STXBP5L: variants seen among roughly 807,000 people sequenced by gnomAD.
STXBP5L encodes the protein syntaxin binding protein 5L.
A neutral mutation model predicts 144.5 loss-of-function variants in STXBP5L; 65 were observed. The observed-to-expected ratio is 0.45, with a 90% CI of 0.37 to 0.55. The LOEUF is 0.55. STXBP5L is among the 20% of genes least tolerant of loss of function. The pLI is 0.00. For synonymous variants in STXBP5L, 505 were observed against 469.6 expected, an observed-to-expected ratio of 1.08 and a Z score of -0.97; for missense variants, 1,298 against 1,405.5, an observed-to-expected ratio of 0.92 and a Z score of 1.22.
chr3:121,363,188 G>C (rs150777253), intron 20 of STXBP5L, among the ~76,000 whole-genome samples: 3 of 152,216 alleles, frequency 2.0e-5, no homozygotes, highest in Admixed American at 6.5e-5. Flanking sequence ...GCCATGAGCT[G>C]TGCAGCCTGG....
At chr3:121,063,248 C>G (rs1273007189) in intron 5 of STXBP5L, among the ~76,000 whole-genome samples, 1 of 152,162 alleles carries the variant, frequency 6.6e-6, no homozygotes, top group African/African-American at 2.4e-5. Context: ...GGTTAGTTTT[C>G]TTTCTAACAG....
intron 3 of STXBP5L, among the ~76,000 whole-genome samples, chr3:121,006,653 C>T (rs932843301): frequency 6.6e-6 from 1 of 152,142 alleles, no homozygotes; most frequent in South Asian, 2.1e-4. Context: ...TATCAATGGT[C>T]TTTACAATTT....
intron 5 of STXBP5L, among the ~76,000 whole-genome samples, chr3:121,047,428 T>A (rs1448499121): frequency 6.6e-6 from 1 of 152,104 alleles, no homozygotes; most frequent in African/African-American, 2.4e-5. Context: ...GACTGGATGG[T>A]CTATCTAAAA....
intron 7 of STXBP5L, among the ~76,000 whole-genome samples, chr3:121,126,210 A>G (rs2044696047): frequency 6.6e-6 from 1 of 152,160 alleles, no homozygotes; most frequent in Admixed American, 6.6e-5. Flanking sequence ...ACAGCCACAA[A>G]CCAAATCTGG....
At chr3:121,235,077 A>C (rs1251790951) in intron 12 of STXBP5L, among the ~76,000 whole-genome samples, 1 of 151,910 alleles carries the variant, frequency 6.6e-6, no homozygotes, top group Non-Finnish European at 1.5e-5. Context: ...GTATACATAC[A>C]TTCTTGTGCT....
chr3:121,388,733 G>A (rs1303343386), intron 22 of STXBP5L, among the ~76,000 whole-genome samples: 1 of 152,138 alleles, frequency 6.6e-6, no homozygotes, highest in Admixed American at 6.5e-5. Context: ...TGCATCCCAG[G>A]GAAGAAGCCA....
intron 3 of STXBP5L, among the ~76,000 whole-genome samples, chr3:120,995,720 T>G (rs966144925): frequency 2.0e-5 from 3 of 152,156 alleles, no homozygotes; most frequent in Admixed American, 6.6e-5. Context: ...CTTAAGTATT[T>G]TTTACATACA....
intron 5 of STXBP5L, among the ~76,000 whole-genome samples, chr3:121,053,398 A>G (rs1050932006): frequency 2.6e-5 from 4 of 152,230 alleles, no homozygotes; most frequent in African/African-American, 9.6e-5. Context: ...ACAGAGATAT[A>G]GATCAATGGA....
At chr3:121,241,385 AC>A (rs1365655335) in intron 14 of STXBP5L, among the ~76,000 whole-genome samples, 8 of 14,592 alleles carry the variant, frequency 5.5e-4, no homozygotes, top group Admixed American at 5.4e-3. Flanking sequence ...ATACACACAC[AC>A]ACACACACAC....
chr3:121,204,343 C>T (rs1406653006), intron 9 of STXBP5L, among the ~76,000 whole-genome samples: 1 of 152,124 alleles, frequency 6.6e-6, no homozygotes, highest in Non-Finnish European at 1.5e-5. Flanking sequence ...ACATATGGCA[C>T]AGTATGTATA....
At chr3:120,988,477 C>G (rs1389998243) in intron 3 of STXBP5L, among the ~76,000 whole-genome samples, 1 of 151,900 alleles carries the variant, frequency 6.6e-6, no homozygotes, top group African/African-American at 2.4e-5. Context: ...TGCTTCACCT[C>G]AATTGTTTTA....
At chr3:121,236,754 C>T (rs996951275) in intron 12 of STXBP5L, among the ~76,000 whole-genome samples, 33 of 152,212 alleles carry the variant, frequency 2.2e-4, no homozygotes, top group African/African-American at 8.0e-4. Flanking sequence ...ATTTTAACAT[C>T]CATTCAAAAG....
intron 10 of STXBP5L, among the ~76,000 whole-genome samples, chr3:121,222,730 T>C (rs1364244447): frequency 6.6e-6 from 1 of 152,124 alleles, no homozygotes; most frequent in African/African-American, 2.4e-5. Context: ...AGTGAGCACA[T>C]CTACCTTCCT....
rs1221588162 is a variant in STXBP5L at position 120,909,467 on chromosome 3, A to G, written c.-8-104A>G. The G allele has an allele frequency of 2.9e-6, 3 of 1,024,648 alleles. No homozygotes were observed. In the African/African-American group the frequency reaches 5.0e-5, roughly 17 times the overall value. The allele number at this position is 1,024,648 out of a possible 1,614,324, so 63.5% of individuals were successfully genotyped here. On this transcript the variant is annotated intron_variant, in intron 1 of 26. Transcript: ENST00000471454. ...GTCGGTCGTAACCAATGCTCATAAAATGGGGACTGACTTGACTAATGAAAA... is the reference window on the plus strand; with the variant it reads ...GTCGGTCGTAACCAATGCTCATAAAGTGGGGACTGACTTGACTAATGAAAA...
At position 121,323,907 on chromosome 3, in the gene STXBP5L, C is replaced by A. The variant is rs575875797; in HGVS notation, c.2176+5367C>A. 4.2e-4 allele frequency among the ~76,000 whole-genome samples: 64 copies of A among 152,258 alleles called. 1 individual carries two copies. The highest frequency in any genetic ancestry group is 1.7e-3 in the South Asian group (8 of 4,828). Reference sequence around the variant, plus strand: ...ATTTGGACGAAGAATTGAAAACTTACCAAGCTTTCAACTGTGGGGCTGTGT... The same window carrying A: ...ATTTGGACGAAGAATTGAAAACTTAACAAGCTTTCAACTGTGGGGCTGTGT... On this transcript the variant is annotated intron_variant, in intron 20 of 26. Transcript: ENST00000471454.
chr3:121,008,518 A>T (rs1944523375), intron 3 of STXBP5L, among the ~76,000 whole-genome samples: 1 of 152,032 alleles, frequency 6.6e-6, no homozygotes, highest in African/African-American at 2.4e-5. Flanking sequence ...CCTATATATT[A>T]CAACTAATGG....
rs140140549 is a variant in STXBP5L at position 121,144,560 on chromosome 3, G to A, written c.670-7917G>A. ...AACCACTATGGAAAGCAGTGTGGAG[G>A]TTCCTCAAAAAATTAAAAATAGAAC... On this transcript the variant is annotated intron_variant, in intron 7 of 26. Coordinates refer to ENST00000471454, the MANE Select transcript of STXBP5L (RefSeq NM_001308330.2). Among the ~76,000 whole-genome samples, 647 of 152,018 alleles carry A rather than the reference G, an allele frequency of 4.3e-3. 5 individuals carry two copies. The highest frequency in any genetic ancestry group is 0.015 in the African/African-American group (616 of 41,550).
chr3:121,222,301 C>T (rs1473423093), intron 10 of STXBP5L, among the ~76,000 whole-genome samples: 2 of 152,042 alleles, frequency 1.3e-5, no homozygotes, highest in African/African-American at 4.8e-5. Flanking sequence ...CTTAACCCCA[C>T]TCTATTATCT....
intron 5 of STXBP5L, among the ~76,000 whole-genome samples, chr3:121,060,096 T>C (rs1342871906): frequency 6.6e-6 from 1 of 152,182 alleles, no homozygotes; most frequent in Non-Finnish European, 1.5e-5. Flanking sequence ...CAGTATGATA[T>C]TGGCTGTGGG....
Sources: allele counts gnomAD v4.1 joint callset (sites outside exome capture counted in the v4.1 genomes callset), GRCh38; gene constraint gnomAD v4.1.1; transcripts MANE v1.5; gene names NCBI Gene and HGNC (gene_info 2026-07-23, HGNC 2026-07-21).